OCA2: variants seen among roughly 807,000 people sequenced by gnomAD.
The protein encoded by OCA2 is P protein.
A neutral mutation model predicts 100.2 loss-of-function variants in OCA2; 77 were observed. The observed-to-expected ratio is 0.77, with a 90% confidence interval of 0.64 to 0.93. OCA2 has a LOEUF of 0.93. Among genes scored for constraint, OCA2 ranks in the 40% least tolerant of loss-of-function variants. OCA2 has a pLI of 0.00. For missense variants in OCA2, 1,062 were observed against 1,089.1 expected, an observed-to-expected ratio of 0.98 and a Z score of 0.35; for synonymous variants, 432 against 439.2, an observed-to-expected ratio of 0.98 and a Z score of 0.21.
chr15:27,797,827 C>T (rs1319305136), intron 23 of OCA2, among the ~76,000 whole-genome samples: 1 of 152,124 alleles, frequency 6.6e-6, no homozygotes, highest in African/African-American at 2.4e-5. Flanking sequence ...CTGGGGGCTC[C>T]ATGTTTCCTG....
At chr15:27,823,460 A>C (rs1248637559) in intron 23 of OCA2, among the ~76,000 whole-genome samples, 3 of 152,250 alleles carry the variant, frequency 2.0e-5, no homozygotes, top group South Asian at 4.1e-4. Context: ...CAAATAATAA[A>C]TAAGATTTTC....
intron 1 of OCA2, among the ~76,000 whole-genome samples, chr15:28,093,989 G>T (rs545224511): frequency 1.3e-5 from 2 of 152,230 alleles, no homozygotes; most frequent in African/African-American, 4.8e-5. Flanking sequence ...AGAGGCCTCT[G>T]CTCACCCAGA....
intron 2 of OCA2, among the ~76,000 whole-genome samples, chr15:28,066,826 C>G (rs2044038886): frequency 6.6e-6 from 1 of 152,162 alleles, no homozygotes; most frequent in Admixed American, 6.5e-5. Flanking sequence ...TTAAAAAGAA[C>G]TTTGGTCGCC....
At chr15:27,822,482 C>T (rs988436604) in intron 23 of OCA2, among the ~76,000 whole-genome samples, 1 of 152,178 alleles carries the variant, frequency 6.6e-6, no homozygotes, top group African/African-American at 2.4e-5. Flanking sequence ...ATGAATCTTT[C>T]AGGTGGTAGA....
chr15:27,945,457 G>T (rs1185525238), intron 18 of OCA2, among the ~76,000 whole-genome samples: 1 of 152,196 alleles, frequency 6.6e-6, no homozygotes, highest in Non-Finnish European at 1.5e-5. Context: ...GGAGAAGCAA[G>T]GAGCTGAGGG....
chr15:27,933,713 A>G (rs1294015119), intron 18 of OCA2, among the ~76,000 whole-genome samples: 2 of 152,184 alleles, frequency 1.3e-5, no homozygotes, highest in Non-Finnish European at 2.9e-5. Flanking sequence ...GTCCAGAAGA[A>G]GAATGTCATG....
chr15:28,006,269 C>G (rs891409440), intron 9 of OCA2, among the ~76,000 whole-genome samples: 1 of 152,198 alleles, frequency 6.6e-6, no homozygotes, highest in Non-Finnish European at 1.5e-5. Flanking sequence ...CACCACCCCC[C>G]ACCTCTCATT....
At chr15:28,032,210 G>T in intron 2 of OCA2, 47 bp from the exon 3 acceptor site, 7 of 1,326,902 alleles carry the variant, frequency 5.3e-6, no homozygotes, top group Non-Finnish European at 7.6e-6. Context: ...CAGAAATAAT[G>T]TATGTGTTCC....
intron 2 of OCA2, among the ~76,000 whole-genome samples, chr15:28,042,228 G>A (rs918645731): frequency 3.3e-5 from 5 of 152,080 alleles, no homozygotes; most frequent in Non-Finnish European, 5.9e-5. Flanking sequence ...TTCAAGAAAT[G>A]ATGGGATGAA....
chr15:27,825,840 G>A (rs544512588), intron 23 of OCA2, among the ~76,000 whole-genome samples: 16 of 152,320 alleles, frequency 1.1e-4, no homozygotes, highest in Admixed American at 3.9e-4. Context: ...GAAGGCAGCC[G>A]GCCAGGACCA....
At chr15:27,763,339 A>G (rs998132457) in intron 23 of OCA2, among the ~76,000 whole-genome samples, 2 of 152,188 alleles carry the variant, frequency 1.3e-5, no homozygotes, top group Non-Finnish European at 2.9e-5. Context: ...AGACCCTGCT[A>G]GGAGGGTATA....
At chr15:27,734,231 T>C in the OCA2 span, among the ~76,000 whole-genome samples, 2 of 135,358 alleles carry the variant, frequency 1.5e-5, no homozygotes, top group Admixed American at 8.5e-5. Flanking sequence ...TCTCCAGTGA[T>C]TGCAGAAACA....
At chr15:27,771,485 G>T (rs1018284132) in intron 23 of OCA2, among the ~76,000 whole-genome samples, 3 of 152,204 alleles carry the variant, frequency 2.0e-5, no homozygotes, top group African/African-American at 4.8e-5. Flanking sequence ...CGCCCAGCTG[G>T]GGGGTGCTCC....
At chr15:28,096,291 G>A (rs950995759) in intron 1 of OCA2, among the ~76,000 whole-genome samples, 1 of 151,060 alleles carries the variant, frequency 6.6e-6, no homozygotes, top group Non-Finnish European at 1.5e-5. Context: ...GGCATGGCCT[G>A]TCTCCGAGGT....
chr15:28,073,097 T>A (rs1355890228), intron 2 of OCA2, among the ~76,000 whole-genome samples: 1 of 152,170 alleles, frequency 6.6e-6, no homozygotes, highest in East Asian at 1.9e-4. Flanking sequence ...ATATACATCA[T>A]GGAATACTAT....
At chr15:27,862,620 G>A in intron 21 of OCA2, among the ~76,000 whole-genome samples, 1 of 152,094 alleles carries the variant, frequency 6.6e-6, no homozygotes, top group Admixed American at 6.5e-5. Context: ...GATTACAGGT[G>A]TGTGCCACTA....
chr15:27,896,995 C>T (rs967585228), intron 19 of OCA2, among the ~76,000 whole-genome samples: 7 of 152,100 alleles, frequency 4.6e-5, no homozygotes, highest in Admixed American at 6.5e-5. Flanking sequence ...TCCAGATCAT[C>T]CTGGCTAACA....
Position 28,076,707 on chromosome 15 carries a change from C to A in OCA2, c.227+4941G>T, listed in dbSNP as rs367976325. The stretch of plus-strand genomic sequence containing the variant: ...CTAAAAATACAAAAAATTAGCCGGG[C>A]GCGGTGGCGGGCGCCTGTAGTCCCA... On this transcript the variant is annotated intron_variant, in intron 2 of 23. Transcript: ENST00000354638. Among the ~76,000 whole-genome samples, 68 of 150,852 alleles carry A rather than the reference C, an allele frequency of 4.5e-4. No homozygotes were observed. In the East Asian group the frequency reaches 8.6e-3, roughly 19 times the overall value.
intron 21 of OCA2, among the ~76,000 whole-genome samples, chr15:27,855,898 C>T (rs2035930590): frequency 6.6e-6 from 1 of 152,196 alleles, no homozygotes; most frequent in Non-Finnish European, 1.5e-5. Flanking sequence ...CTGTCTGAAG[C>T]TACTGTATGA....
Sources: gnomAD v4.1 joint callset for allele counts (sites outside exome capture counted in the v4.1 genomes callset) on GRCh38, gnomAD v4.1.1 for gene constraint, MANE v1.5 for transcripts, NCBI Gene and HGNC (gene_info 2026-07-23, HGNC 2026-07-21) for gene names.